Variants in GRM5 observed in about 807,000 individuals in gnomAD.
GRM5 encodes metabotropic glutamate receptor 5.
A neutral mutation model predicts 83.1 loss-of-function variants in GRM5; 19 were observed. The observed-to-expected ratio is 0.23, with a 90% CI of 0.16 to 0.34. GRM5 has a LOEUF of 0.34. GRM5 is among the 10% of genes least tolerant of loss of function. The pLI is 1.00. For synonymous variants in GRM5, 675 were observed against 633.6 expected, an observed-to-expected ratio of 1.07 and a Z score of -0.98; for missense variants, 1,160 against 1,588.3, an observed-to-expected ratio of 0.73 and a Z score of 4.58.
rs748365397 is a variant in GRM5 at position 88,508,543 on chromosome 11, C to T, written c.*49G>A. 11 of 1,486,960 alleles carry T rather than the reference C, an allele frequency of 7.4e-6. No homozygotes were observed. The East Asian group carries it at 2.4e-4, about 33-fold the overall frequency. The allele number at this position is 1,486,960 out of a possible 1,614,324, so 92.1% of individuals were successfully genotyped here. On this transcript the variant is annotated 3_prime_UTR_variant, in exon 10 of 10. Transcript: ENST00000305447. The surrounding 1 kb of genome is among the most constrained non-coding windows in gnomAD (Gnocchi z 4.2). ...GCTTGCCATTGTGTGTGTGTGAACA[C>T]GGGGGGCTCCGCTCCGCACGCGCAG... is the stretch of plus-strand genomic sequence containing the variant.
intron 7 of GRM5, among the ~76,000 whole-genome samples, chr11:88,570,763 T>C (rs1440729924): frequency 6.6e-6 from 1 of 150,822 alleles, no homozygotes; most frequent in Admixed American, 6.6e-5. Context: ...GAGACGGGAT[T>C]TCACCATGTT....
At chr11:89,036,522 C>T (rs1362571216) in intron 2 of GRM5, among the ~76,000 whole-genome samples, 7 of 151,982 alleles carry the variant, frequency 4.6e-5, no homozygotes, top group African/African-American at 1.7e-4. Flanking sequence ...TTTCTGTGTG[C>T]CAAGCTTGAT....
chr11:88,821,455 C>A (rs932985482), intron 3 of GRM5, among the ~76,000 whole-genome samples: 1 of 151,574 alleles, frequency 6.6e-6, no homozygotes, highest in Admixed American at 6.6e-5. Context: ...AGACAAAGAG[C>A]AGCTCAGGTT....
intron 7 of GRM5, among the ~76,000 whole-genome samples, chr11:88,568,455 G>A (rs1005149722): frequency 6.6e-6 from 1 of 152,160 alleles, no homozygotes; most frequent in Non-Finnish European, 1.5e-5. Flanking sequence ...CTGTAAGGAA[G>A]AGAGGCATGA....
At chr11:88,724,754 G>C (rs1167722139) in intron 3 of GRM5, among the ~76,000 whole-genome samples, 12 of 152,092 alleles carry the variant, frequency 7.9e-5, no homozygotes, top group Admixed American at 7.9e-4. Flanking sequence ...AGCCCATGGA[G>C]GGTGAGCTGA....
intron 3 of GRM5, among the ~76,000 whole-genome samples, chr11:88,708,007 A>G (rs555737352): frequency 6.6e-6 from 1 of 152,098 alleles, no homozygotes; most frequent in South Asian, 2.1e-4. Context: ...TTTGAGAACC[A>G]CCTGCACTAC....
chr11:88,741,173 C>T (rs945168922), intron 3 of GRM5, among the ~76,000 whole-genome samples: 1 of 152,044 alleles, frequency 6.6e-6, no homozygotes, highest in Non-Finnish European at 1.5e-5. Flanking sequence ...TAACAAATAT[C>T]AGCGTGGCTA....
At chr11:88,929,484 T>G (rs1450142055) in intron 2 of GRM5, among the ~76,000 whole-genome samples, 1 of 152,138 alleles carries the variant, frequency 6.6e-6, no homozygotes, top group African/African-American at 2.4e-5. Context: ...AGATAAAAAC[T>G]CTAAGGCAAT....
intron 3 of GRM5, among the ~76,000 whole-genome samples, chr11:88,788,966 A>G (rs941544083): frequency 6.6e-6 from 1 of 152,216 alleles, no homozygotes; most frequent in African/African-American, 2.4e-5. Context: ...TTTAGAGGGC[A>G]GCAATGTTCT....
chr11:89,039,691 C>A (rs1456345628), intron 2 of GRM5, among the ~76,000 whole-genome samples: 3 of 152,048 alleles, frequency 2.0e-5, no homozygotes, highest in African/African-American at 7.2e-5. Context: ...ATATCAGATA[C>A]CTAAAGGTAG....
chr11:88,685,764 CT>C (rs1475969372), intron 3 of GRM5, among the ~76,000 whole-genome samples: 2 of 152,336 alleles, frequency 1.3e-5, no homozygotes, highest in East Asian at 3.9e-4. Flanking sequence ...ACCCCCAAGT[CT>C]TGGCAGCTTC....
intron 3 of GRM5, among the ~76,000 whole-genome samples, chr11:88,758,763 A>G (rs989843642): frequency 7.9e-5 from 12 of 152,188 alleles, no homozygotes; most frequent in Non-Finnish European, 1.6e-4. Flanking sequence ...ATTCTTCACA[A>G]GAAGATCATC....
At chr11:88,684,530 T>A (rs1316055474) in intron 3 of GRM5, among the ~76,000 whole-genome samples, 1 of 152,056 alleles carries the variant, frequency 6.6e-6, no homozygotes, top group Admixed American at 6.6e-5. Context: ...GAGCAAAGGG[T>A]GAGCTTAAGG....
At position 88,505,098 on chromosome 11, in the gene GRM5, C is replaced by CTA; in HGVS notation, c.*3493_*3494insTA. On this transcript the variant is annotated 3_prime_UTR_variant, in exon 10 of 10. Coordinates refer to ENST00000305447, the MANE Select transcript of GRM5 (RefSeq NM_001143831.3). ...TATACATGCCTCATTCTTCAATAGA[C>CTA]AGTAGAGACTCTCCCAGGCCTCAGA... The CTA allele has an allele frequency of 6.6e-6, 1 of 152,282 alleles. No homozygotes were observed. Among genetic ancestry groups the CTA allele is most frequent in the South Asian group, 2.1e-4 (1 of 4,822 alleles). 9.4% of individuals were successfully genotyped at this position (152,282 alleles called of 1,614,324 possible). A position where few individuals can be genotyped will look rare whatever the true frequency, so the allele number is the denominator to read the frequency against.
intron 4 of GRM5, among the ~76,000 whole-genome samples, chr11:88,605,904 C>T (rs1938129769): frequency 1.3e-5 from 2 of 152,172 alleles, no homozygotes; most frequent in East Asian, 1.9e-4. Context: ...AGAAGTGATT[C>T]TTGCTCTCAT....
At chr11:88,709,858 C>T (rs1429045411) in intron 3 of GRM5, among the ~76,000 whole-genome samples, 1 of 152,114 alleles carries the variant, frequency 6.6e-6, no homozygotes, top group Admixed American at 6.6e-5. Flanking sequence ...CAAACAGAAT[C>T]TGTTCTCAAT....
chr11:88,551,467 T>C (rs1447028424), intron 8 of GRM5, among the ~76,000 whole-genome samples: 4 of 152,188 alleles, frequency 2.6e-5, no homozygotes, highest in Non-Finnish European at 5.9e-5. Flanking sequence ...GACTCTGACA[T>C]ATTAATTTTC....
rs371703349 is a variant in GRM5 at position 88,855,041 on chromosome 11, A to G, written c.662-4886T>C. Reference sequence around the variant, plus strand: ...GAGATTTTCATTTTTCTGGCAAAATAGCCATTAAATATATTGTTTCAATTT... The same window carrying G: ...GAGATTTTCATTTTTCTGGCAAAATGGCCATTAAATATATTGTTTCAATTT... On this transcript the variant is annotated intron_variant, in intron 2 of 9. Coordinates refer to ENST00000305447, the MANE Select transcript of GRM5 (RefSeq NM_001143831.3). 1.2e-4 allele frequency among the ~76,000 whole-genome samples: 18 copies of G among 152,038 alleles called. No homozygotes were observed. The East Asian group carries it at 3.5e-3, about 29-fold the overall frequency.
chr11:88,715,972 C>T (rs1941390985), intron 3 of GRM5, among the ~76,000 whole-genome samples: 3 of 151,960 alleles, frequency 2.0e-5, no homozygotes, highest in Admixed American at 2.0e-4. Flanking sequence ...TTAGGAAACA[C>T]TGAATTAGAT....
Sources: allele counts gnomAD v4.1 joint callset (sites outside exome capture counted in the v4.1 genomes callset), GRCh38; gene constraint gnomAD v4.1.1; non-coding constraint Gnocchi (gnomAD v3.1); transcripts MANE v1.5; gene names NCBI Gene and HGNC (gene_info 2026-07-23, HGNC 2026-07-21).